KCNIP4: variants seen among roughly 807,000 people sequenced by gnomAD.
The protein encoded by KCNIP4 is Kv channel-interacting protein 4.
KCNIP4 carries 12 observed loss-of-function variants against 34.0 expected under a neutral mutation model. The ratio of observed to expected loss-of-function variants is 0.35; its 90% CI spans 0.23 to 0.57. The LOEUF is 0.57. Ranked by LOEUF, KCNIP4 falls within the 20% of genes least tolerant of loss-of-function variation. KCNIP4 has a pLI of 0.83. For synonymous variants in KCNIP4, 124 were observed against 102.2 expected, an observed-to-expected ratio of 1.21 and a Z score of -1.29; for missense variants, 238 against 311.7, an observed-to-expected ratio of 0.76 and a Z score of 1.78.
chr4:21,773,742 G>GTTTTTTTTTT (rs1553930230), intron 1 of KCNIP4, among the ~76,000 whole-genome samples: 2 of 34,476 alleles, frequency 5.8e-5, no homozygotes, highest in African/African-American at 7.1e-5. Context: ...GTTTTTTTTT[G>GTTTTTTTTTT]TTGTTTTTTT....
chr4:21,652,360 T>C (rs948710327), intron 1 of KCNIP4, among the ~76,000 whole-genome samples: 9 of 152,280 alleles, frequency 5.9e-5, no homozygotes, highest in African/African-American at 1.9e-4. Context: ...TTTGGTACCA[T>C]TTTGATGAAA....
intron 1 of KCNIP4, among the ~76,000 whole-genome samples, chr4:21,860,504 A>T (rs1412847449): frequency 1.3e-5 from 2 of 149,598 alleles, no homozygotes; most frequent in Non-Finnish European, 3.0e-5. Flanking sequence ...AAATGTTATG[A>T]CTTTTTTCCC....
chr4:21,676,931 G>A (rs1749954688), intron 1 of KCNIP4, among the ~76,000 whole-genome samples: 1 of 150,692 alleles, frequency 6.6e-6, no homozygotes, highest in South Asian at 2.1e-4. Flanking sequence ...ATCTCTAAGA[G>A]TTATAACTGA....
At chr4:21,273,919 G>A (rs1047580863) in intron 1 of KCNIP4, among the ~76,000 whole-genome samples, 1 of 152,112 alleles carries the variant, frequency 6.6e-6, no homozygotes, top group African/African-American at 2.4e-5. Context: ...CAAGGGCCAG[G>A]TCTTATTCAT....
chr4:21,472,235 T>C (rs1432490489), intron 1 of KCNIP4, among the ~76,000 whole-genome samples: 1 of 151,830 alleles, frequency 6.6e-6, no homozygotes. Flanking sequence ...ACATTTAGGG[T>C]GGAGCAGATA....
Position 21,072,974 on chromosome 4 carries a change from C to A in KCNIP4, c.62-190265G>T, listed in dbSNP as rs538114014. On this transcript the variant is annotated intron_variant, in intron 1 of 8. Coordinates refer to ENST00000382152, the MANE Select transcript of KCNIP4 (RefSeq NM_025221.6). ...TGGTTGTAGATGTGTGGTATTCTTT[C>A]TGAGGACTCTGTTCTGTTCCATTGG... Among the ~76,000 whole-genome samples the A allele has an allele frequency of 3.2e-4, 49 of 152,242 alleles. No individual in the cohort carries two copies. The East Asian group carries it at 9.1e-3, about 28-fold the overall frequency.
chr4:21,281,589 T>G (rs1762778804), intron 1 of KCNIP4, among the ~76,000 whole-genome samples: 4 of 152,176 alleles, frequency 2.6e-5, no homozygotes, highest in Non-Finnish European at 5.9e-5. Flanking sequence ...GATTAAGTGG[T>G]CTCTTTGCAC....
intron 1 of KCNIP4, among the ~76,000 whole-genome samples, chr4:21,798,403 A>G (rs1397738132): frequency 1.5e-4 from 5 of 33,984 alleles, no homozygotes; most frequent in African/African-American, 6.4e-4. Context: ...ACAAAAAAAT[A>G]CATATATATA....
chr4:20,741,653 A>G (rs1368574414), intron 5 of KCNIP4, among the ~76,000 whole-genome samples: 2 of 152,212 alleles, frequency 1.3e-5, no homozygotes, highest in African/African-American at 4.8e-5. Flanking sequence ...CATCACAATT[A>G]AAAGAAGTAG....
intron 3 of KCNIP4, among the ~76,000 whole-genome samples, chr4:20,827,928 G>A (rs930747569): frequency 2.8e-5 from 4 of 144,860 alleles, no homozygotes; most frequent in African/African-American, 1.0e-4. Context: ...CTCTATTAGG[G>A]TAATAAAATA....
chr4:21,098,769 A>G (rs181224972), intron 1 of KCNIP4, among the ~76,000 whole-genome samples: 154 of 152,340 alleles, frequency 1.0e-3, no homozygotes, highest in Middle Eastern at 3.4e-3. Flanking sequence ...TAGCTCATGG[A>G]TCAATGAATA....
intron 3 of KCNIP4, among the ~76,000 whole-genome samples, chr4:20,833,795 T>C (rs1578730964): frequency 6.6e-6 from 1 of 152,354 alleles, no homozygotes; most frequent in East Asian, 1.9e-4. Context: ...CCCTGCAGAC[T>C]GAATTTTAGA....
At chr4:21,897,824 C>T (rs973948986) in intron 1 of KCNIP4, among the ~76,000 whole-genome samples, 3 of 152,150 alleles carry the variant, frequency 2.0e-5, no homozygotes, top group African/African-American at 7.2e-5. Context: ...TTCGCAGCAC[C>T]TGGTTTTAAC....
chr4:20,998,711 A>G (rs1336352602), intron 1 of KCNIP4, among the ~76,000 whole-genome samples: 1 of 152,264 alleles, frequency 6.6e-6, no homozygotes, highest in East Asian at 1.9e-4. Context: ...TCAGTGGCAG[A>G]AGATGAGGAC....
chr4:21,267,663 G>A lies in KCNIP4; in HGVS notation c.62-384954C>T, dbSNP rs575764716. Among the ~76,000 whole-genome samples the A allele has an allele frequency of 1.1e-3, 153 of 143,026 alleles. 1 individual carries two copies. In the East Asian group the frequency reaches 0.023, roughly 21 times the overall value. 93.8% of individuals were successfully genotyped at this position (143,026 alleles called of 152,430 possible). A position where few individuals can be genotyped will look rare whatever the true frequency, so the allele number is the denominator to read the frequency against. The stretch of plus-strand genomic sequence containing the variant: ...TGCTGGATTACATTTATTGATTTGC[G>A]TATATTGAACCAGCCTTGCATCCCA... On this transcript the variant is annotated intron_variant, in intron 1 of 8. Transcript: ENST00000382152.
chr4:21,101,717 G>A (rs568432932), intron 1 of KCNIP4, among the ~76,000 whole-genome samples: 1 of 152,052 alleles, frequency 6.6e-6, no homozygotes, highest in South Asian at 2.1e-4. Flanking sequence ...TGAGCTTTAT[G>A]GTATATAAAT....
chr4:20,730,243 A>C, intron 8 of KCNIP4, 114 bp from the exon 9 acceptor site: 1 of 1,295,234 alleles, frequency 7.7e-7, no homozygotes. Flanking sequence ...CCTATGCCAA[A>C]AGCTCAAATA....
chr4:21,846,285 T>G (rs1248231274), intron 1 of KCNIP4: 2 of 152,106 alleles, frequency 1.3e-5, no homozygotes, highest in Non-Finnish European at 2.9e-5. Flanking sequence ...TTCAGAGAGA[T>G]AACATACAGA....
At chr4:21,037,648 ACTT>A (rs1221708609) in intron 1 of KCNIP4, among the ~76,000 whole-genome samples, 2 of 152,232 alleles carry the variant, frequency 1.3e-5, no homozygotes, top group African/African-American at 4.8e-5. Context: ...ACATAACTGT[ACTT>A]GCGTTGGAAG....
Sources: gnomAD v4.1 joint callset for allele counts (sites outside exome capture counted in the v4.1 genomes callset) on GRCh38, gnomAD v4.1.1 for gene constraint, MANE v1.5 for transcripts, NCBI Gene and HGNC (gene_info 2026-07-23, HGNC 2026-07-21) for gene names.